Variants in SPIDR observed in about 807,000 individuals in gnomAD.
The protein encoded by SPIDR is DNA repair-scaffolding protein.
In SPIDR, 93 loss-of-function variants were observed where a neutral mutation model predicts 104.6. That is an observed-to-expected ratio of 0.89 (90% CI 0.75 to 1.06). SPIDR has a LOEUF of 1.06. Among genes scored for constraint, SPIDR ranks in the 50% least tolerant of loss-of-function variants. The pLI, the probability that SPIDR is intolerant of heterozygous loss-of-function variation, is 0.00. For missense variants in SPIDR, 1,154 were observed against 1,111.2 expected (o/e 1.04, Z -0.55); for synonymous variants, 431 against 416.9 (o/e 1.03, Z -0.41).
rs1412893902 is a variant in SPIDR, at chr8:47,481,219, C to G, written c.1097+40677C>G. 2.6e-5 allele frequency among the ~76,000 whole-genome samples: 4 copies of G among 152,184 alleles called. No individual in the cohort carries two copies. The East Asian group carries it at 7.7e-4, about 29-fold the overall frequency. ...ATAAGGTGTAATGGTCTTTTCTCGT[C>G]ATTACATTCTGTTTAGGTTTTGTAT... On this transcript the variant is annotated intron_variant, in intron 8 of 19. Transcript: ENST00000297423.
intron 5 of SPIDR, among the ~76,000 whole-genome samples, chr8:47,310,590 T>G (rs2043966360): frequency 6.6e-6 from 1 of 152,102 alleles, no homozygotes; most frequent in Admixed American, 6.6e-5. Flanking sequence ...AGCATTTCAT[T>G]TTTTGTGGAT....
At chr8:47,491,025 C>G (rs1159086796) in intron 8 of SPIDR, among the ~76,000 whole-genome samples, 2 of 151,942 alleles carry the variant, frequency 1.3e-5, no homozygotes, top group African/African-American at 4.8e-5. Context: ...CTGAAAAAGA[C>G]TTTCTACACG....
At chr8:47,336,173 G>A (rs1237600274) in intron 5 of SPIDR, among the ~76,000 whole-genome samples, 1 of 152,062 alleles carries the variant, frequency 6.6e-6, no homozygotes. Context: ...GAGGTTAGTA[G>A]TAGTCCATTG....
intron 8 of SPIDR, among the ~76,000 whole-genome samples, chr8:47,521,121 C>T (rs2084006995): frequency 6.6e-6 from 1 of 152,180 alleles, no homozygotes; most frequent in Admixed American, 6.5e-5. Flanking sequence ...GGTGATACGT[C>T]ACAAAGATTG....
chr8:47,343,964 CT>C (rs111460446), intron 5 of SPIDR, among the ~76,000 whole-genome samples: 232 of 144,988 alleles, frequency 1.6e-3, no homozygotes, highest in East Asian at 6.2e-3. Context: ...TTGGCTTTTT[CT>C]TTTTTTTTTT....
intron 1 of SPIDR, among the ~76,000 whole-genome samples, chr8:47,277,654 C>T (rs1171444997): frequency 1.3e-5 from 2 of 150,740 alleles, no homozygotes; most frequent in East Asian, 1.9e-4. Flanking sequence ...TTGTGCCCTA[C>T]CCTGTGTTTA....
chr8:47,566,343 A>T (rs577634608), intron 8 of SPIDR, among the ~76,000 whole-genome samples: 18 of 151,982 alleles, frequency 1.2e-4, no homozygotes, highest in African/African-American at 3.9e-4. Context: ...TTTCCCTCCT[A>T]ACCTTAAATG....
At chr8:47,290,762 G>A (rs1449681302) in intron 3 of SPIDR, among the ~76,000 whole-genome samples, 2 of 151,946 alleles carry the variant, frequency 1.3e-5, no homozygotes, top group African/African-American at 2.4e-5. Flanking sequence ...TTATTTTTCC[G>A]GTTTTCATTT....
At chr8:47,293,203 C>T (rs954433952) in intron 4 of SPIDR, among the ~76,000 whole-genome samples, 138 of 151,408 alleles carry the variant, frequency 9.1e-4, no homozygotes, top group African/African-American at 3.0e-3. Flanking sequence ...CATAGCTCAC[C>T]GCAGTTTCAA....
chr8:47,613,356 T>C (rs1425614078), intron 10 of SPIDR, among the ~76,000 whole-genome samples: 1 of 152,256 alleles, frequency 6.6e-6, no homozygotes, highest in East Asian at 1.9e-4. Flanking sequence ...CTGAATAATA[T>C]TCTGTTGTAT....
chr8:47,390,763 G>A (rs1346269034), intron 5 of SPIDR, among the ~76,000 whole-genome samples: 1 of 151,818 alleles, frequency 6.6e-6, no homozygotes, highest in African/African-American at 2.4e-5. Context: ...TCCATTTTTG[G>A]ATGATTAAGC....
intron 16 of SPIDR, among the ~76,000 whole-genome samples, chr8:47,714,885 C>T (rs2082348243): frequency 6.6e-6 from 1 of 152,180 alleles, no homozygotes. Flanking sequence ...TCAATCTCTA[C>T]TGATTTCTGT....
chr8:47,642,514 C>G (rs961656141), intron 10 of SPIDR, among the ~76,000 whole-genome samples: 4 of 152,022 alleles, frequency 2.6e-5, no homozygotes, highest in African/African-American at 9.7e-5. Context: ...TAGGTCAAGA[C>G]AGCCCGCTGA....
intron 8 of SPIDR, among the ~76,000 whole-genome samples, chr8:47,479,098 C>G (rs577069458): frequency 6.6e-6 from 1 of 152,092 alleles, no homozygotes; most frequent in Admixed American, 6.6e-5. Flanking sequence ...CAGTGGCTCA[C>G]GCCTGTAATT....
At chr8:47,699,232 C>T (rs182208461) in intron 11 of SPIDR, among the ~76,000 whole-genome samples, 53 of 152,298 alleles carry the variant, frequency 3.5e-4, no homozygotes, top group Non-Finnish European at 6.3e-4. Flanking sequence ...TCACTCTGAG[C>T]GTAGAAACCT....
intron 5 of SPIDR, among the ~76,000 whole-genome samples, chr8:47,394,755 T>C (rs184141210): frequency 9.8e-4 from 150 of 152,302 alleles, no homozygotes; most frequent in African/African-American, 3.5e-3. Flanking sequence ...AGGGTTTTAG[T>C]GTCAGCTTCA....
chr8:47,596,076 G>C, intron 9 of SPIDR, 70 bp downstream of exon 9: 1 of 1,389,022 alleles, frequency 7.2e-7, no homozygotes, highest in Non-Finnish European at 9.9e-7. Flanking sequence ...AAGGGCTTCA[G>C]TGTAAGTGAA....
intron 8 of SPIDR, among the ~76,000 whole-genome samples, chr8:47,563,367 C>T (rs1225696572): frequency 6.6e-6 from 1 of 151,934 alleles, no homozygotes; most frequent in Non-Finnish European, 1.5e-5. Flanking sequence ...GAGATGGGGT[C>T]TCCCTATGTT....
At chr8:47,381,462 T>G (rs1417460583) in intron 5 of SPIDR, among the ~76,000 whole-genome samples, 2 of 152,218 alleles carry the variant, frequency 1.3e-5, no homozygotes, top group African/African-American at 4.8e-5. Flanking sequence ...ATTTAAAAGC[T>G]TCTAGGCAGC....
Sources: allele counts gnomAD v4.1 joint callset (sites outside exome capture counted in the v4.1 genomes callset), GRCh38; gene constraint gnomAD v4.1.1; transcripts MANE v1.5; gene names NCBI Gene and HGNC (gene_info 2026-07-23, HGNC 2026-07-21).